Variants in LRRC69 observed in about 807,000 individuals in gnomAD.
The protein encoded by LRRC69 is leucine-rich repeat-containing protein 69.
Under a neutral mutation model 37.8 loss-of-function variants are expected in LRRC69, and 42 were observed. That is an observed-to-expected ratio of 1.11 (90% CI 0.87 to 1.44). The LOEUF is 1.44. Ranked by LOEUF, LRRC69 falls within the 40% of genes most tolerant of loss-of-function variation. The pLI is 0.00. For missense variants in LRRC69, 357 were observed against 401.9 expected, an observed-to-expected ratio of 0.89 and a Z score of 0.96; for synonymous variants, 141 against 143.1, an observed-to-expected ratio of 0.99 and a Z score of 0.11.
intron 6 of LRRC69, among the ~76,000 whole-genome samples, chr8:91,192,585 T>C (rs1001091636): frequency 4.6e-5 from 7 of 152,040 alleles, no homozygotes; most frequent in African/African-American, 1.7e-4. Flanking sequence ...TTTGCATTTC[T>C]CTGATGGCCA....
At chr8:91,197,414 G>T (rs933974659) in intron 6 of LRRC69, among the ~76,000 whole-genome samples, 18 of 152,178 alleles carry the variant, frequency 1.2e-4, no homozygotes, top group African/African-American at 4.3e-4. Context: ...AATCAAGCCT[G>T]GCCAATGGCG....
chr8:91,177,230 C>A (rs1451609555), intron 5 of LRRC69, among the ~76,000 whole-genome samples: 1 of 151,994 alleles, frequency 6.6e-6, no homozygotes, highest in Non-Finnish European at 1.5e-5. Flanking sequence ...AACATCAAGT[C>A]ATTCAGGAAT....
chr8:91,189,080 T>C (rs1046775051), intron 5 of LRRC69, among the ~76,000 whole-genome samples: 18 of 152,224 alleles, frequency 1.2e-4, no homozygotes, highest in African/African-American at 3.6e-4. Context: ...ACTTTCCTCA[T>C]TAAACATAAA....
intron 1 of LRRC69, among the ~76,000 whole-genome samples, chr8:91,120,674 C>T (rs1307795084): frequency 6.6e-6 from 1 of 152,108 alleles, no homozygotes; most frequent in African/African-American, 2.4e-5. Flanking sequence ...AAAGTCCTCA[C>T]GGGATAAATT....
intron 7 of LRRC69, among the ~76,000 whole-genome samples, chr8:91,213,015 A>G (rs572669846): frequency 6.6e-6 from 1 of 152,262 alleles, no homozygotes; most frequent in African/African-American, 2.4e-5. Context: ...TCACAGTAGT[A>G]TTCTGTATCT....
At chr8:91,216,288 A>C (rs1247792057) in intron 7 of LRRC69, among the ~76,000 whole-genome samples, 1 of 152,150 alleles carries the variant, frequency 6.6e-6, no homozygotes, top group Admixed American at 6.6e-5. Flanking sequence ...TTGCAATAAG[A>C]GCCAACCTAA....
At chr8:91,148,169 T>A (rs1458288963) in intron 5 of LRRC69, among the ~76,000 whole-genome samples, 1 of 151,814 alleles carries the variant, frequency 6.6e-6, no homozygotes, top group African/African-American at 2.4e-5. Context: ...GCCATGTTGG[T>A]GTGCTGCACC....
chr8:91,206,680 G>A (rs1290683783), intron 7 of LRRC69: 1 of 1,289,100 alleles, frequency 7.8e-7, no homozygotes. Flanking sequence ...CTTATTTCAT[G>A]TCTCTCTTTC....
chr8:91,200,973 T>C (rs191190496), intron 7 of LRRC69, among the ~76,000 whole-genome samples, 181 bp downstream of exon 7: 1 of 152,336 alleles, frequency 6.6e-6, no homozygotes, highest in South Asian at 2.1e-4. Flanking sequence ...CCCATTCTAT[T>C]TACATTCATA....
At chr8:91,153,903 CA>C (rs1032088841) in intron 5 of LRRC69, among the ~76,000 whole-genome samples, 10 of 150,740 alleles carry the variant, frequency 6.6e-5, no homozygotes, top group African/African-American at 2.2e-4. Flanking sequence ...AAAAATCCTT[CA>C]AAAAAAATCA....
At chr8:91,127,152 A>G in exon 3 of LRRC69, 1 of 1,548,720 alleles carries the variant, frequency 6.5e-7, no homozygotes, top group Middle Eastern at 1.7e-4. Flanking sequence ...TTCCTCAAGA[A>G]GTCAGCAGGT....
intron 3 of LRRC69, among the ~76,000 whole-genome samples, chr8:91,128,954 C>CA (rs1443646009): frequency 5.9e-5 from 9 of 152,014 alleles, no homozygotes; most frequent in Non-Finnish European, 1.3e-4. Flanking sequence ...AGCAGGGACT[C>CA]AGAGTGATCA....
intron 5 of LRRC69, among the ~76,000 whole-genome samples, chr8:91,152,886 TA>T (rs1808765899): frequency 6.6e-6 from 1 of 151,238 alleles, no homozygotes; most frequent in South Asian, 2.1e-4. Flanking sequence ...ATATTTACCT[TA>T]AAAGTAAATG....
chr8:91,199,954 C>CTAGG (rs1809684904), intron 6 of LRRC69, among the ~76,000 whole-genome samples: 1 of 152,042 alleles, frequency 6.6e-6, no homozygotes, highest in African/African-American at 2.4e-5. Context: ...CTGAACATAT[C>CTAGG]TAGGTAGATA....
intron 5 of LRRC69, among the ~76,000 whole-genome samples, chr8:91,183,551 T>C (rs981875433): frequency 6.6e-6 from 1 of 152,088 alleles, no homozygotes; most frequent in African/African-American, 2.4e-5. Context: ...AGTATGCAGT[T>C]GCGTACTGAG....
chr8:91,157,443 TG>T (rs1808856148), intron 5 of LRRC69: 1 of 1,606,098 alleles, frequency 6.2e-7, no homozygotes. Flanking sequence ...CTGGGCTTAT[TG>T]GGCCAATGAA....
At chr8:91,110,623 G>A (rs775780627) in intron 1 of LRRC69, among the ~76,000 whole-genome samples, 3 of 151,970 alleles carry the variant, frequency 2.0e-5, no homozygotes, top group Non-Finnish European at 4.4e-5. Flanking sequence ...TGGGTAATAA[G>A]AGCAAAACTC....
intron 1 of LRRC69, among the ~76,000 whole-genome samples, chr8:91,103,967 C>G (rs1214716937): frequency 6.6e-6 from 1 of 151,900 alleles, no homozygotes; most frequent in Non-Finnish European, 1.5e-5. Context: ...AAGCTTATAG[C>G]AAGAAGCTAT....
At chr8:91,135,371 G>A (rs1441200406) in intron 4 of LRRC69, among the ~76,000 whole-genome samples, 1 of 151,988 alleles carries the variant, frequency 6.6e-6, no homozygotes, top group African/African-American at 2.4e-5. Context: ...AAGCAATTAA[G>A]AAATTTGCCC....
Sources: gnomAD v4.1 joint callset for allele counts (sites outside exome capture counted in the v4.1 genomes callset) on GRCh38, gnomAD v4.1.1 for gene constraint, MANE v1.5 for transcripts, NCBI Gene and HGNC (gene_info 2026-07-23, HGNC 2026-07-21) for gene names.